ZNF420: variants seen among roughly 807,000 people sequenced by gnomAD.
The protein encoded by ZNF420 is zinc finger protein 420, also known as ATM and p53-associated KZNF protein.
In ZNF420, 31 loss-of-function variants were observed where a neutral mutation model predicts 44.7. The observed-to-expected ratio is 0.69, with a 90% confidence interval of 0.52 to 0.94. The LOEUF is 0.94. ZNF420 is among the 40% of genes least tolerant of loss of function. The pLI is 0.00. For missense variants in ZNF420, 681 were observed against 827.9 expected, an observed-to-expected ratio of 0.82 and a Z score of 2.18; for synonymous variants, 245 against 267.4, an observed-to-expected ratio of 0.92 and a Z score of 0.82.
Position 37,129,286 on chromosome 19 carries a change from C to T in ZNF420, c.*228C>T. 3.8e-6 allele frequency: 2 copies of T among 523,730 alleles called. No homozygotes were observed. Among genetic ancestry groups the T allele is most frequent in the South Asian group, 3.1e-5 (1 of 31,890 alleles). 32.4% of individuals were successfully genotyped at this position (523,730 alleles called of 1,614,324 possible). A position where few individuals can be genotyped will look rare whatever the true frequency, so the allele number is the denominator to read the frequency against. ...TTTAATATAGTAAATGTAGGAAGCC[C>T]TTTAGCCATATTGAAAACAAATATC... On this transcript the variant is annotated 3_prime_UTR_variant, in exon 5 of 5. Coordinates refer to ENST00000337995, the MANE Select transcript of ZNF420 (RefSeq NM_144689.5).
chr19:37,022,864 G>C (rs896258610), intron 1 of ZNF420, among the ~76,000 whole-genome samples: 1 of 152,146 alleles, frequency 6.6e-6, no homozygotes, highest in African/African-American at 2.4e-5. Context: ...GGGGGCAGGC[G>C]CGGTGGCTCA....
intron 1 of ZNF420, among the ~76,000 whole-genome samples, chr19:37,013,292 C>T (rs563884300): frequency 2.6e-5 from 4 of 152,290 alleles, no homozygotes; most frequent in Admixed American, 1.3e-4. Flanking sequence ...GACGGGATTA[C>T]AGGAGCCAGG....
At chr19:37,059,017 G>A (rs1201248873) in intron 1 of ZNF420, among the ~76,000 whole-genome samples, 1 of 152,172 alleles carries the variant, frequency 6.6e-6, no homozygotes, top group Non-Finnish European at 1.5e-5. Flanking sequence ...GTGCTGCAGC[G>A]AGGCCCTGCC....
chr19:37,009,831 A>T (rs1447329672), intron 1 of ZNF420, among the ~76,000 whole-genome samples: 2 of 152,130 alleles, frequency 1.3e-5, no homozygotes, highest in Non-Finnish European at 2.9e-5. Flanking sequence ...CTGAGACCCC[A>T]GCAGGCGCCC....
chr19:37,013,686 T>C (rs1430908313), intron 1 of ZNF420, among the ~76,000 whole-genome samples: 1 of 152,066 alleles, frequency 6.6e-6, no homozygotes, highest in African/African-American at 2.4e-5. Context: ...CACAGAACGG[T>C]CCCACGGACC....
chr19:37,028,956 G>A (rs1367235239), intron 1 of ZNF420, among the ~76,000 whole-genome samples: 1 of 151,942 alleles, frequency 6.6e-6, no homozygotes, highest in Non-Finnish European at 1.5e-5. Flanking sequence ...TCAAATCATC[G>A]ACTGTAGGAG....
At chr19:37,048,999 G>A (rs1446573500) in intron 1 of ZNF420, among the ~76,000 whole-genome samples, 2 of 151,856 alleles carry the variant, frequency 1.3e-5, no homozygotes, top group African/African-American at 4.8e-5. Context: ...AGTTTGCTGA[G>A]AATGATAGTT....
intron 1 of ZNF420, among the ~76,000 whole-genome samples, chr19:37,063,893 C>T (rs546004471): frequency 6.6e-6 from 1 of 152,328 alleles, no homozygotes; most frequent in South Asian, 2.1e-4. Flanking sequence ...TAGAATCATG[C>T]ATTGCCTTTA....
rs117476046 is a variant in ZNF420 at position 37,023,247 on chromosome 19, T to C, written c.-125+15165T>C. Among the ~76,000 whole-genome samples the C allele has an allele frequency of 7.6e-3, 1,152 of 152,352 alleles. 10 individuals are homozygous for C. Among genetic ancestry groups the C allele is most frequent in the Non-Finnish European group, 0.012 (809 of 68,028 alleles). On this transcript the variant is annotated intron_variant, in intron 1 of 4. Coordinates refer to the ZNF420 transcript ENST00000587029. Reference sequence around the variant, plus strand: ...TTAACAGTAATTGGTGCTGGAAGACTTTTACATACAAAGTATAAAGAGCAA... The same window carrying C: ...TTAACAGTAATTGGTGCTGGAAGACCTTTACATACAAAGTATAAAGAGCAA...
chr19:37,128,807 C>G lies in ZNF420; in HGVS notation c.1816C>G (p.Gln606Glu), dbSNP rs535306122. The G allele has an allele frequency of 2.2e-4, 354 of 1,613,814 alleles. 6 individuals carry two copies. The South Asian group carries it at 3.7e-3, about 17-fold the overall frequency. ...FSHGSQLTLH[Q>E]RIHTGEKPYE... ...TCATGGCTCTCAGCTTACTCTACAT[C>G]AGAGAATCCATACTGGTGAGAAGCC... The change falls in exon 5 of 5, where the codon CAG (glutamine) becomes GAG (glutamate). Residue 606 changes from glutamine (Q) to glutamate (E), a missense_variant. By Grantham distance (29) the Gln-to-Glu change is conservative (BLOSUM62 2). Around this residue, in one of 3 missense-constraint regions of ZNF420, gnomAD observed 280 missense variants for 338.6 expected, o/e 0.83. Coordinates refer to ENST00000337995, the MANE Select transcript of ZNF420 (RefSeq NM_144689.5).
chr19:37,050,357 G>T (rs1221156002), intron 1 of ZNF420, among the ~76,000 whole-genome samples: 1 of 152,132 alleles, frequency 6.6e-6, no homozygotes. Flanking sequence ...AGCATGTAAT[G>T]TTCTTCCATT....
intron 1 of ZNF420, among the ~76,000 whole-genome samples, chr19:37,015,167 T>G (rs1049615389): frequency 1.3e-5 from 2 of 152,228 alleles, no homozygotes; most frequent in African/African-American, 4.8e-5. Flanking sequence ...TGTGGTTTCT[T>G]GTGAAACAAA....
intron 1 of ZNF420, among the ~76,000 whole-genome samples, chr19:37,030,745 T>C (rs1385173149): frequency 1.3e-5 from 2 of 152,214 alleles, no homozygotes; most frequent in East Asian, 3.8e-4. Flanking sequence ...TAAGTATTTC[T>C]GTATTTTCAC....
rs1970761056 is a variant in ZNF420, at chr19:37,117,454, A to G, written c.137-9674A>G. ...ACTAACAAACAGAAAGGACATCCAC[A>G]CCAAAAACCCATCTGTACGTCACCA... On this transcript the variant is annotated intron_variant, in intron 4 of 4. Transcript: ENST00000337995. Among the ~76,000 whole-genome samples the G allele has an allele frequency of 2.0e-5, 3 of 152,174 alleles. No homozygotes were observed. The South Asian group carries it at 6.2e-4, about 31-fold the overall frequency.
intron 4 of ZNF420, among the ~76,000 whole-genome samples, chr19:37,112,786 T>G (rs1440143841): frequency 6.6e-6 from 1 of 152,226 alleles, no homozygotes; most frequent in African/African-American, 2.4e-5. Context: ...TTCGACTTTG[T>G]AGTCTGAATC....
chr19:37,028,901 A>G (rs2562604), intron 1 of ZNF420, among the ~76,000 whole-genome samples: 85,019 of 151,758 alleles, frequency 0.56, 25,303 homozygotes, highest in African/African-American at 0.75. Context: ...ACTGGATAAT[A>G]TCTTTTCATA....
chr19:37,095,637 T>C (rs1175855153), intron 4 of ZNF420, among the ~76,000 whole-genome samples: 3 of 152,172 alleles, frequency 2.0e-5, no homozygotes, highest in Non-Finnish European at 4.4e-5. Context: ...TCATTCTTGT[T>C]GCCCAGGCTG....
chr19:37,016,131 A>C (rs951263637), intron 1 of ZNF420, among the ~76,000 whole-genome samples: 1 of 152,188 alleles, frequency 6.6e-6, no homozygotes, highest in Non-Finnish European at 1.5e-5. Flanking sequence ...TGGTCCTCCT[A>C]TTCCGTCAGA....
intron 4 of ZNF420, among the ~76,000 whole-genome samples, chr19:37,125,129 C>T (rs766287589): frequency 1.1e-4 from 17 of 152,156 alleles, no homozygotes; most frequent in Admixed American, 2.6e-4. Context: ...TGAGCCACTG[C>T]GCCTGGCATG....
Sources: allele counts gnomAD v4.1 joint callset (sites outside exome capture counted in the v4.1 genomes callset), GRCh38; gene constraint gnomAD v4.1.1; regional missense constraint gnomAD v4.1.1; transcripts MANE v1.5; gene names NCBI Gene and HGNC (gene_info 2026-07-23, HGNC 2026-07-21).